Variants in KCMF1 observed in about 807,000 individuals in gnomAD.
KCMF1 encodes potassium channel modulatory factor 1.
Under a neutral mutation model 41.1 loss-of-function variants are expected in KCMF1, and 3 were observed. That is an observed-to-expected ratio of 0.07 (90% confidence interval 0.03 to 0.19). The LOEUF (loss-of-function observed/expected upper bound fraction) is 0.19. Ranked by LOEUF, KCMF1 falls within the 10% of genes least tolerant of loss-of-function variation. The pLI, the probability that KCMF1 is intolerant of heterozygous loss-of-function variation, is 1.00. For missense variants in KCMF1, 286 were observed against 488.9 expected (o/e 0.58, Z 3.91); for synonymous variants, 142 against 164.5 (o/e 0.86, Z 1.04).
At chr2:85,022,666 C>G (rs2104019999) in intron 1 of KCMF1, among the ~76,000 whole-genome samples, 1 of 152,066 alleles carries the variant, frequency 6.6e-6, no homozygotes, top group African/African-American at 2.4e-5. Context: ...AAAATAAATG[C>G]AAAAGAGAAG....
intron 2 of KCMF1, among the ~76,000 whole-genome samples, chr2:85,030,534 CTT>C (rs1256852018): frequency 6.6e-6 from 1 of 152,078 alleles, no homozygotes; most frequent in African/African-American, 2.4e-5. Context: ...AAAGGGCCAA[CTT>C]TATTCTTTTG....
intron 1 of KCMF1, among the ~76,000 whole-genome samples, chr2:85,017,553 C>T (rs1402615121): frequency 6.6e-6 from 1 of 150,700 alleles, no homozygotes; most frequent in Non-Finnish European, 1.5e-5. Context: ...GAAAAGAGGC[C>T]CTCCCTCCCT....
At chr2:85,028,967 T>C (rs1015186771) in intron 2 of KCMF1, among the ~76,000 whole-genome samples, 1 of 152,260 alleles carries the variant, frequency 6.6e-6, no homozygotes, top group African/African-American at 2.4e-5. Flanking sequence ...AGCTTTATTT[T>C]ATTTTATTTT....
chr2:85,034,992 A>G lies in KCMF1; in HGVS notation c.185-24A>G, dbSNP rs756983926. The G allele has an allele frequency of 2.6e-5, 41 of 1,576,734 alleles. No homozygotes were observed. In the East Asian group the frequency reaches 2.7e-4, roughly 10 times the overall value. On this transcript the variant is annotated intron_variant, in intron 2 of 6. Coordinates refer to ENST00000409785, the MANE Select transcript of KCMF1 (RefSeq NM_020122.5). ...TATGTTTAAAAACTAATATTCCTCA[A>G]TGCAATTCTACCTTATTTTTCAGAT...
intron 1 of KCMF1, among the ~76,000 whole-genome samples, chr2:84,983,458 A>C (rs1673816729): frequency 6.6e-6 from 1 of 151,882 alleles, no homozygotes; most frequent in African/African-American, 2.4e-5. Flanking sequence ...TCCTGAGTGG[A>C]TAGGACTACA....
chr2:85,056,434 T>C lies in KCMF1; in HGVS notation c.*3025T>C, dbSNP rs1675932694. 1 of 152,126 alleles carries C rather than the reference T, an allele frequency of 6.6e-6. No individual in the cohort carries two copies. The highest frequency in any genetic ancestry group is 2.1e-4 in the South Asian group (1 of 4,822). 9.4% of individuals were successfully genotyped at this position (152,126 alleles called of 1,614,324 possible). A position where few individuals can be genotyped will look rare whatever the true frequency, so the allele number is the denominator to read the frequency against. On this transcript the variant is annotated 3_prime_UTR_variant, in exon 7 of 7. Transcript: ENST00000409785. ...AAAGAACGGGTAACAGGTTCAGAGT[T>C]CTCTTGATACGTCCAAGCCTTAGTT...
At chr2:84,985,890 C>G (rs946803731) in intron 1 of KCMF1, among the ~76,000 whole-genome samples, 3 of 151,472 alleles carry the variant, frequency 2.0e-5, no homozygotes, top group African/African-American at 7.3e-5. Context: ...AGCTCTCAAA[C>G]TTTTAAAAAA....
chr2:85,051,889 C>T (rs922663677), intron 6 of KCMF1, among the ~76,000 whole-genome samples: 1 of 152,182 alleles, frequency 6.6e-6, no homozygotes, highest in African/African-American at 2.4e-5. Context: ...CAGGGGAGAT[C>T]CTGCTCTCTG....
chr2:84,992,948 C>G (rs1284643014), intron 1 of KCMF1, among the ~76,000 whole-genome samples: 2 of 152,008 alleles, frequency 1.3e-5, no homozygotes, highest in African/African-American at 4.8e-5. Context: ...AATCCCAGCA[C>G]TTTGGGAGGT....
intron 2 of KCMF1, among the ~76,000 whole-genome samples, chr2:85,028,340 G>A (rs887232604): frequency 6.6e-5 from 10 of 151,694 alleles, no homozygotes; most frequent in Admixed American, 6.6e-5. Context: ...ACACCACCAC[G>A]CCTGGCTAAT....
intron 1 of KCMF1, among the ~76,000 whole-genome samples, chr2:84,980,389 T>A (rs1467204686): frequency 6.6e-6 from 1 of 152,148 alleles, no homozygotes; most frequent in Non-Finnish European, 1.5e-5. Flanking sequence ...CTCTCACGCC[T>A]GATGGAATGT....
chr2:85,002,422 C>T (rs1674356627), intron 1 of KCMF1, among the ~76,000 whole-genome samples: 1 of 152,130 alleles, frequency 6.6e-6, no homozygotes, highest in Non-Finnish European at 1.5e-5. Context: ...TAAAAATAAA[C>T]TTTTATTTTG....
rs1676010019 is a variant in KCMF1 at position 85,059,319 on chromosome 2, CACTG to C, written c.*5913_*5916del. 1.3e-5 allele frequency: 2 copies of C among 152,236 alleles called. No individual in the cohort carries two copies. Among genetic ancestry groups the C allele is most frequent in the Non-Finnish European group, 2.9e-5 (2 of 68,046 alleles). 9.4% of individuals were successfully genotyped at this position (152,236 alleles called of 1,614,324 possible). On this transcript the variant is annotated 3_prime_UTR_variant, in exon 7 of 7. Coordinates refer to ENST00000409785, the MANE Select transcript of KCMF1 (RefSeq NM_020122.5). ...TTCAGACTTACCTTGGAAAATATCA[CACTG>C]ACGATACAGTACTTTAGAATAAATT...
Position 84,990,327 on chromosome 2 carries a change from G to A in KCMF1, c.16+18860G>A, listed in dbSNP as rs574641774. Among the ~76,000 whole-genome samples the A allele has an allele frequency of 5.3e-5, 8 of 152,246 alleles. No individual in the cohort carries two copies. In the East Asian group the frequency reaches 1.2e-3, roughly 22 times the overall value. ...TATTTTGGCACATAATAGAGACTGGGAAAACTCATTCATTCTACAAATACT... is the reference window on the plus strand; with the variant it reads ...TATTTTGGCACATAATAGAGACTGGAAAAACTCATTCATTCTACAAATACT... On this transcript the variant is annotated intron_variant, in intron 1 of 6. Transcript: ENST00000409785.
chr2:85,030,007 C>T (rs936528243), intron 2 of KCMF1, among the ~76,000 whole-genome samples: 1 of 151,920 alleles, frequency 6.6e-6, no homozygotes, highest in Non-Finnish European at 1.5e-5. Context: ...CTTACCTAGC[C>T]CACACTTTTT....
chr2:85,008,347 A>ATATC lies in KCMF1; in HGVS notation c.17-19542_17-19541insTATC, dbSNP rs372126026. Among the ~76,000 whole-genome samples, 43 of 7,320 alleles carry ATATC rather than the reference A, an allele frequency of 5.9e-3. 1 individual carries two copies. The highest frequency in any genetic ancestry group is 0.033 in the Non-Finnish European group (31 of 936). 4.8% of individuals were successfully genotyped at this position (7,320 alleles called of 152,430 possible). A position where few individuals can be genotyped will look rare whatever the true frequency, so the allele number is the denominator to read the frequency against. On this transcript the variant is annotated intron_variant, in intron 1 of 6. Coordinates refer to ENST00000409785, the MANE Select transcript of KCMF1 (RefSeq NM_020122.5). ...ATATATAATATATAATATGATATAT[A>ATATC]ATATATAATATATATTATATATCAT...
chr2:85,013,110 T>C (rs746492203), intron 1 of KCMF1, among the ~76,000 whole-genome samples: 2 of 152,206 alleles, frequency 1.3e-5, no homozygotes, highest in African/African-American at 2.4e-5. Flanking sequence ...TTTTCATATG[T>C]TTGGCTTTGT....
chr2:85,036,811 G>T (rs1675412066), intron 3 of KCMF1, among the ~76,000 whole-genome samples: 1 of 148,060 alleles, frequency 6.8e-6, no homozygotes, highest in Non-Finnish European at 1.5e-5. Flanking sequence ...AAAAAATTAT[G>T]TATTATTATA....
intron 1 of KCMF1, among the ~76,000 whole-genome samples, chr2:84,992,537 C>T (rs1389045530): frequency 6.6e-6 from 1 of 152,330 alleles, no homozygotes; most frequent in Non-Finnish European, 1.5e-5. Context: ...TAACCATCTT[C>T]ATTTTCTTCT....
Sources: allele counts gnomAD v4.1 joint callset (sites outside exome capture counted in the v4.1 genomes callset), GRCh38; gene constraint gnomAD v4.1.1; transcripts MANE v1.5; gene names NCBI Gene and HGNC (gene_info 2026-07-23, HGNC 2026-07-21).